Variants in TTC7A observed in about 807,000 individuals in gnomAD.
TTC7A encodes tetratricopeptide repeat protein 7A.
A neutral mutation model predicts 103.7 loss-of-function variants in TTC7A; 110 were observed. That is an observed-to-expected ratio of 1.06 (90% CI 0.91 to 1.24). The LOEUF is 1.24. Among genes scored for constraint, TTC7A ranks in the 50% most tolerant of loss-of-function variants. The probability of loss-of-function intolerance (pLI) is 0.00; values close to 1 mark genes in which losing one functional copy is unlikely to be tolerated. For missense variants in TTC7A, 1,340 were observed against 1,116.3 expected, an observed-to-expected ratio of 1.20 and a Z score of -2.86; for synonymous variants, 521 against 467.9, an observed-to-expected ratio of 1.11 and a Z score of -1.47.
At chr2:47,049,511 G>C (rs1002806616) in intron 16 of TTC7A, among the ~76,000 whole-genome samples, 1 of 152,102 alleles carries the variant, frequency 6.6e-6, no homozygotes, top group African/African-American at 2.4e-5. Flanking sequence ...GGAAGCCTGA[G>C]GCAGGGGGTG....
intron 8 of TTC7A, among the ~76,000 whole-genome samples, chr2:47,002,327 A>G (rs1370532366): frequency 6.6e-6 from 1 of 152,256 alleles, no homozygotes; most frequent in African/African-American, 2.4e-5. Context: ...AAACCAGAGG[A>G]GAACATTCTG....
At chr2:47,046,283 G>T in intron 15 of TTC7A, 32 bp from the exon 16 acceptor site, 1 of 1,569,182 alleles carries the variant, frequency 6.4e-7, no homozygotes, top group South Asian at 1.1e-5. Flanking sequence ...CCCTTGCTGG[G>T]GTGTGCTGAT....
intron 16 of TTC7A, among the ~76,000 whole-genome samples, chr2:47,048,455 C>T (rs1682546825): frequency 6.6e-6 from 1 of 152,208 alleles, no homozygotes; most frequent in South Asian, 2.1e-4. Context: ...TTGCTCCCCA[C>T]GACCACCTTG....
At chr2:47,021,213 G>A (rs1397644184) in intron 11 of TTC7A, among the ~76,000 whole-genome samples, 2 of 152,198 alleles carry the variant, frequency 1.3e-5, no homozygotes, top group Admixed American at 1.3e-4. Flanking sequence ...CCATGAGTGG[G>A]CATGACAAAG....
rs1257805939 is a variant in TTC7A at position 46,990,730 on chromosome 2, G to GGACT, written c.765-2718_765-2715dup. Among the ~76,000 whole-genome samples, 3 of 152,106 alleles carry GGACT rather than the reference G, an allele frequency of 2.0e-5. No individual in the cohort carries two copies. In the East Asian group the frequency reaches 5.8e-4, roughly 29 times the overall value. On this transcript the variant is annotated intron_variant, in intron 5 of 19. Transcript: ENST00000319190. ...CACTTTCCCAAGATTACAGACTTAG[G>GGACT]GACTGGCTGCAAAGCTGGGGTTACT...
rs139010200 is a variant in TTC7A at position 47,046,329 on chromosome 2, A to G, written c.1817A>G (p.Lys606Arg). 4,816 of 1,613,908 alleles carry G rather than the reference A, an allele frequency of 3.0e-3. 11 individuals carry two copies. The highest frequency in any genetic ancestry group is 3.5e-3 in the Non-Finnish European group (4,121 of 1,179,848). The change falls in exon 16 of 20, where the codon AAG becomes AGG. Residue 606 changes from lysine (K) to arginine (R), a missense_variant. By Grantham distance (26) the Lys-to-Arg change is conservative. Coordinates refer to ENST00000319190, the MANE Select transcript of TTC7A (RefSeq NM_020458.4). ...CGTCCCCACAGCCTGATGTTCACCA[A>G]GGTGAAGCTGGAGCAGGTGCTGAAA... ...HPENFNLMFT[K>R]VKLEQVLKGP...
At chr2:47,062,853 G>T (rs746745874) in intron 19 of TTC7A, among the ~76,000 whole-genome samples, 1 of 152,132 alleles carries the variant, frequency 6.6e-6, no homozygotes, top group Non-Finnish European at 1.5e-5. Context: ...TTTCCTTCCT[G>T]GGGTGCCTTG....
In TTC7A at chr2:47,066,230, C is replaced by G. The variant is rs1426733798; in HGVS notation, c.2355+5259C>G. On this transcript the variant is annotated intron_variant, in intron 19 of 19. Coordinates refer to ENST00000319190, the MANE Select transcript of TTC7A (RefSeq NM_020458.4). ...TCCCTTTATTGGTTCCCTCTTGCTG[C>G]CAGTGTGGAGCAGGCCGCCTCATTC... 3.3e-5 allele frequency: 5 copies of G among 152,360 alleles called. No homozygotes were observed. The East Asian group carries it at 9.6e-4, about 29-fold the overall frequency. 9.4% of individuals were successfully genotyped at this position (152,360 alleles called of 1,614,324 possible). A position where few individuals can be genotyped will look rare whatever the true frequency, so the allele number is the denominator to read the frequency against.
At chr2:47,040,345 C>T (rs1487848358) in intron 15 of TTC7A, 4 of 152,296 alleles carry the variant, frequency 2.6e-5, no homozygotes, top group African/African-American at 9.7e-5. Flanking sequence ...CGCTCCTTCC[C>T]CTTTCCCAGA....
At chr2:46,976,886 C>T (rs994319229) in intron 4 of TTC7A, among the ~76,000 whole-genome samples, 5 of 152,128 alleles carry the variant, frequency 3.3e-5, no homozygotes, top group Admixed American at 2.0e-4. Flanking sequence ...GAGAAATGAC[C>T]GATGGGCTCA....
At chr2:46,936,626 C>G (rs1669992865), upstream of TTC7A, among the ~76,000 whole-genome samples, 1 of 152,128 alleles carries the variant, frequency 6.6e-6, no homozygotes, top group Non-Finnish European at 1.5e-5. Context: ...TCGGGCCAGA[C>G]TTCTGCTTCT....
intron 2 of TTC7A, among the ~76,000 whole-genome samples, chr2:46,918,424 C>T (rs755501623): frequency 2.1e-4 from 32 of 152,210 alleles, no homozygotes; most frequent in Non-Finnish European, 4.0e-4. Context: ...AGCTTCCTAA[C>T]TGACCGTCCT....
At chr2:46,977,394 T>A (rs925067032) in intron 4 of TTC7A, among the ~76,000 whole-genome samples, 3 of 152,230 alleles carry the variant, frequency 2.0e-5, no homozygotes, top group African/African-American at 7.2e-5. Context: ...CTCATTGATT[T>A]TTTTTCCCCT....
chr2:47,040,441 A>G (rs764375943), intron 15 of TTC7A: 7 of 152,284 alleles, frequency 4.6e-5, no homozygotes, highest in Admixed American at 3.3e-4. Flanking sequence ...TTTACTTCAC[A>G]TGGGCTTCCA....
At position 46,920,649 on chromosome 2, in the gene TTC7A, G is replaced by GA. The variant is rs10713433; in HGVS notation, c.82+3386dup. Among the ~76,000 whole-genome samples, 486 of 136,254 alleles carry GA rather than the reference G, an allele frequency of 3.6e-3. 2 individuals carry two copies. Among genetic ancestry groups the GA allele is most frequent in the African/African-American group, 4.9e-3 (191 of 39,030 alleles). The allele number at this position is 136,254 out of a possible 152,430, so 89.4% of individuals were successfully genotyped here. A position where few individuals can be genotyped will look rare whatever the true frequency, so the allele number is the denominator to read the frequency against. On this transcript the variant is annotated intron_variant, in intron 2 of 20. Transcript: ENST00000409245. ...CCTGGCCTTAGTCTTAGGCTTTTTT[G>GA]AAAAAAAAAAAAAATAGATAAATTT...
At chr2:46,964,417 G>A (rs886771182) in intron 3 of TTC7A, among the ~76,000 whole-genome samples, 5 of 152,148 alleles carry the variant, frequency 3.3e-5, no homozygotes, top group East Asian at 1.9e-4. Context: ...GGCCCAGAGC[G>A]GAGAGCCCAC....
chr2:47,046,299 C>A lies in TTC7A; in HGVS notation c.1803-16C>A. On this transcript the variant is annotated splice_polypyrimidine_tract_variant and intron_variant, in intron 15 of 19. Transcript: ENST00000319190. ...CCTTGCTGGGGTGTGCTGATGGCCACTCTCCGTCCCCACAGCCTGATGTTC... is the reference window on the plus strand; with the variant it reads ...CCTTGCTGGGGTGTGCTGATGGCCAATCTCCGTCCCCACAGCCTGATGTTC... 6.2e-7 allele frequency: 1 copy of A among 1,608,944 alleles called. No homozygotes were observed. Among genetic ancestry groups the A allele is most frequent in the African/African-American group, 1.3e-5 (1 of 74,922 alleles).
At position 46,941,819 on chromosome 2, in the gene TTC7A, C is replaced by G; in HGVS notation, c.184+94C>G. On this transcript the variant is annotated intron_variant, in intron 1 of 19. Transcript: ENST00000319190. The surrounding 1 kb of genome is among the most constrained non-coding windows in gnomAD (Gnocchi z 4.2). ...CGCCCAGACAGTCCTCGGCCGACAG[C>G]GGGCGCCTGCCAGCCCACCGTGCTA... 1.4e-6 allele frequency: 2 copies of G among 1,476,632 alleles called. No individual in the cohort carries two copies. The highest frequency in any genetic ancestry group is 1.8e-6 in the Non-Finnish European group (2 of 1,091,918). The allele number at this position is 1,476,632 out of a possible 1,614,324, so 91.5% of individuals were successfully genotyped here. A position where few individuals can be genotyped will look rare whatever the true frequency, so the allele number is the denominator to read the frequency against.
rs542341318 is a variant in TTC7A, at chr2:47,054,326, G to A, written c.2152+2446G>A. 4.6e-4 allele frequency: 114 copies of A among 246,126 alleles called. 1 individual carries two copies. In the South Asian group the frequency reaches 0.011, roughly 24 times the overall value. The allele number at this position is 246,126 out of a possible 1,614,324, so 15.2% of individuals were successfully genotyped here. On this transcript the variant is annotated intron_variant, in intron 18 of 19. Coordinates refer to ENST00000319190, the MANE Select transcript of TTC7A (RefSeq NM_020458.4). ...CTTCTGTCCCTAGGGTATCACTGTC[G>A]TCCATGTGGTCCAGGATGGCTCTCT... is the stretch of plus-strand genomic sequence containing the variant.
Sources: gnomAD v4.1 joint callset for allele counts (sites outside exome capture counted in the v4.1 genomes callset) on GRCh38, gnomAD v4.1.1 for gene constraint, Gnocchi (gnomAD v3.1) non-coding constraint, MANE v1.5 for transcripts, NCBI Gene and HGNC (gene_info 2026-07-23, HGNC 2026-07-21) for gene names.